The following DSCAM variants were observed in gnomAD, a reference collection of about 807,000 sequenced individuals.
DSCAM encodes cell adhesion molecule DSCAM.
In DSCAM, 47 loss-of-function variants were observed where a neutral mutation model predicts 217.7. The ratio of observed to expected loss-of-function variants is 0.22; its 90% CI spans 0.17 to 0.28. The LOEUF is 0.28. DSCAM is among the 10% of genes least tolerant of loss of function. The probability of loss-of-function intolerance (pLI) is 1.00; values close to 1 mark genes in which losing one functional copy is unlikely to be tolerated. For missense variants in DSCAM, 2,080 were observed against 2,618.3 expected (o/e 0.79, Z 4.49); for synonymous variants, 1,056 against 1,015.3 (o/e 1.04, Z -0.76).
intron 3 of DSCAM, among the ~76,000 whole-genome samples, chr21:40,645,006 C>T (rs1284483130): frequency 6.6e-6 from 1 of 152,168 alleles, no homozygotes; most frequent in Non-Finnish European, 1.5e-5. Context: ...GAAAAAAACA[C>T]TTCATTTTAT....
intron 20 of DSCAM, among the ~76,000 whole-genome samples, chr21:40,118,763 T>C (rs1042855223): frequency 6.6e-6 from 1 of 152,210 alleles, no homozygotes; most frequent in African/African-American, 2.4e-5. Flanking sequence ...TCTGGCCGTA[T>C]GTTTGAGTGA....
In DSCAM at chr21:40,214,754, A is replaced by G. The variant is rs545792028; in HGVS notation, c.2357-25516T>C. 1.1e-4 allele frequency among the ~76,000 whole-genome samples: 16 copies of G among 149,352 alleles called. 1 individual carries two copies. Among genetic ancestry groups the G allele is most frequent in the Admixed American group, 1.0e-3 (15 of 15,028 alleles). Reference sequence around the variant, plus strand: ...CAACAGCAAAAAAAAAAAAAAAAACAAAACAAAAAACAACAAGAAAAAGAC... The same window carrying G: ...CAACAGCAAAAAAAAAAAAAAAAACGAAACAAAAAACAACAAGAAAAAGAC... On this transcript the variant is annotated intron_variant, in intron 11 of 32. Coordinates refer to ENST00000400454, the MANE Select transcript of DSCAM (RefSeq NM_001389.5).
chr21:40,080,142 G>A lies in DSCAM; in HGVS notation c.4420+10C>T. ...AAGGATATTAAGAAGCGATGAGAAG[G>A]CATACCTACCTTTTCCTAAGGTCTT... On this transcript the variant is annotated intron_variant, in intron 25 of 32. Coordinates refer to ENST00000400454, the MANE Select transcript of DSCAM (RefSeq NM_001389.5). 1 of 1,505,122 alleles carries A rather than the reference G, an allele frequency of 6.6e-7. No homozygotes were observed. The highest frequency in any genetic ancestry group is 2.6e-5 in the East Asian group (1 of 39,028). 93.2% of individuals were successfully genotyped at this position (1,505,122 alleles called of 1,614,324 possible).
rs370182612 is a variant in DSCAM at position 40,183,733 on chromosome 21, G to A, written c.2779+3398C>T. ...CTGGGTTAGTGAGTTTCTGTTTCTC[G>A]GATTGTTCAAGCATAGAGTGAATGG... On this transcript the variant is annotated intron_variant, in intron 14 of 32. Coordinates refer to ENST00000400454, the MANE Select transcript of DSCAM (RefSeq NM_001389.5). Among the ~76,000 whole-genome samples, 11 of 152,256 alleles carry A rather than the reference G, an allele frequency of 7.2e-5. No individual in the cohort carries two copies. In the South Asian group the frequency reaches 8.3e-4, roughly 11 times the overall value.
chr21:40,100,928 G>C (rs987666744), intron 20 of DSCAM, among the ~76,000 whole-genome samples: 2 of 152,148 alleles, frequency 1.3e-5, no homozygotes, highest in Non-Finnish European at 2.9e-5. Context: ...AATTAATTTT[G>C]AGTGGACTAC....
At chr21:40,235,502 C>G (rs1432089027) in intron 11 of DSCAM, among the ~76,000 whole-genome samples, 1 of 151,874 alleles carries the variant, frequency 6.6e-6, no homozygotes, top group Admixed American at 6.6e-5. Flanking sequence ...CTTTAATCAC[C>G]CTGTCCCCCT....
chr21:40,837,593 C>T (rs538485556), intron 1 of DSCAM, among the ~76,000 whole-genome samples: 10 of 152,254 alleles, frequency 6.6e-5, no homozygotes, highest in African/African-American at 2.4e-4. Flanking sequence ...GTTAAGGACC[C>T]GGATAGAGGT....
At chr21:40,554,287 C>A (rs1198969187) in intron 3 of DSCAM, among the ~76,000 whole-genome samples, 1 of 151,624 alleles carries the variant, frequency 6.6e-6, no homozygotes, top group African/African-American at 2.4e-5. Context: ...AATTAGACTG[C>A]TTCTGCTAAG....
At chr21:40,596,151 C>T (rs1051746609) in intron 3 of DSCAM, among the ~76,000 whole-genome samples, 3 of 152,184 alleles carry the variant, frequency 2.0e-5, no homozygotes, top group Non-Finnish European at 2.9e-5. Context: ...ACCCTAATAT[C>T]GTCACATCAA....
chr21:40,841,084 C>T (rs1019800503), intron 1 of DSCAM, among the ~76,000 whole-genome samples: 2 of 152,088 alleles, frequency 1.3e-5, no homozygotes, highest in African/African-American at 4.8e-5. Flanking sequence ...GCAGGCGTAA[C>T]GATTACCACA....
rs2090337711 is a variant in DSCAM at position 40,144,983 on chromosome 21, G to A, written c.3019-252C>T. ...ACTGGACCGTCAATGGACACAGGAG[G>A]TCACCTGAGTATGCATGGCAGGAGC... is the stretch of plus-strand genomic sequence containing the variant. On this transcript the variant is annotated intron_variant, in intron 16 of 32. Transcript: ENST00000400454. This position sits in a 1 kb window ranked among gnomAD's most constrained non-coding sequence, Gnocchi z 4.8. Among the ~76,000 whole-genome samples, 1 of 152,170 alleles carries A rather than the reference G, an allele frequency of 6.6e-6. No individual in the cohort carries two copies. The highest frequency in any genetic ancestry group is 1.5e-5 in the Non-Finnish European group (1 of 68,042).
chr21:40,062,177 A>C (rs1002704880), intron 28 of DSCAM, among the ~76,000 whole-genome samples: 1 of 152,212 alleles, frequency 6.6e-6, no homozygotes, highest in Non-Finnish European at 1.5e-5. Flanking sequence ...CACACTTGTC[A>C]CAGCTTTGCC....
chr21:40,185,271 T>G (rs2090881141), intron 14 of DSCAM, among the ~76,000 whole-genome samples: 1 of 152,156 alleles, frequency 6.6e-6, no homozygotes, highest in Admixed American at 6.5e-5. Context: ...AAGGGAGGAC[T>G]CCAGGCAGAG....
intron 3 of DSCAM, among the ~76,000 whole-genome samples, chr21:40,531,098 C>T (rs566847293): frequency 2.4e-4 from 36 of 152,156 alleles, no homozygotes; most frequent in African/African-American, 6.3e-4. Context: ...ACACTGAAAA[C>T]GTGATTGTCT....
At chr21:40,481,263 A>G (rs11701931) in intron 3 of DSCAM, among the ~76,000 whole-genome samples, 105,085 of 151,904 alleles carry the variant, frequency 0.69, 37,213 homozygotes, top group African/African-American at 0.85. Flanking sequence ...GCCGAAGCAG[A>G]CAGATCACAA....
chr21:40,333,556 G>A (rs4491804), intron 8 of DSCAM, among the ~76,000 whole-genome samples: 1 of 152,164 alleles, frequency 6.6e-6, no homozygotes, highest in East Asian at 1.9e-4. Context: ...GTAGAGACCA[G>A]GTTTTGCCAC....
intron 2 of DSCAM, among the ~76,000 whole-genome samples, chr21:40,699,095 C>G (rs1397252363): frequency 6.6e-6 from 1 of 152,148 alleles, no homozygotes; most frequent in African/African-American, 2.4e-5. Flanking sequence ...CTTTGTGTCT[C>G]TGTGTCACAT....
At chr21:40,049,144 A>G (rs1158987905) in intron 30 of DSCAM, among the ~76,000 whole-genome samples, 1 of 152,156 alleles carries the variant, frequency 6.6e-6, no homozygotes, top group African/African-American at 2.4e-5. Context: ...GGACAGAAAC[A>G]TTGTTCTATA....
In DSCAM at chr21:40,244,453, GAA is replaced by G. The variant is rs76692462; in HGVS notation, c.2356+31642_2356+31643del. ...GTGACAGAATGAGACTCCGTCTCCG[GAA>G]AAAAAAAAAAAAAAAAAGTCACAAT... On this transcript the variant is annotated intron_variant, in intron 11 of 32. Coordinates refer to ENST00000400454, the MANE Select transcript of DSCAM (RefSeq NM_001389.5). Among the ~76,000 whole-genome samples, 679 of 99,872 alleles carry G rather than the reference GAA, an allele frequency of 6.8e-3. 3 individuals carry two copies. The highest frequency in any genetic ancestry group is 0.019 in the Middle Eastern group (3 of 156). The allele number at this position is 99,872 out of a possible 152,430, so 65.5% of individuals were successfully genotyped here. A position where few individuals can be genotyped will look rare whatever the true frequency, so the allele number is the denominator to read the frequency against.
Sources: allele counts gnomAD v4.1 joint callset (sites outside exome capture counted in the v4.1 genomes callset), GRCh38; gene constraint gnomAD v4.1.1; non-coding constraint Gnocchi (gnomAD v3.1); transcripts MANE v1.5; gene names NCBI Gene and HGNC (gene_info 2026-07-23, HGNC 2026-07-21).